Variants in KCND2 observed in about 807,000 individuals in gnomAD.
The protein encoded by KCND2 is potassium voltage-gated channel subfamily D member 2.
Under a neutral mutation model 54.4 loss-of-function variants are expected in KCND2, and 16 were observed. That is an observed-to-expected ratio of 0.29 (90% CI 0.20 to 0.45). The LOEUF (loss-of-function observed/expected upper bound fraction) is 0.45, where lower values mean the gene tolerates loss of function less well. Among genes scored for constraint, KCND2 ranks in the 20% least tolerant of loss-of-function variants. The pLI is 1.00. For synonymous variants in KCND2, 317 were observed against 310.7 expected (o/e 1.02, Z -0.21); for missense variants, 486 against 824.2 (o/e 0.59, Z 5.02).
intron 1 of KCND2, among the ~76,000 whole-genome samples, chr7:120,653,004 G>T (rs546230699): frequency 6.6e-6 from 1 of 152,146 alleles, no homozygotes; most frequent in Non-Finnish European, 1.5e-5. Flanking sequence ...TGAGATGGAT[G>T]GAAGAGCTGA....
At chr7:120,605,142 G>T (rs1270403979) in intron 1 of KCND2, among the ~76,000 whole-genome samples, 4 of 152,146 alleles carry the variant, frequency 2.6e-5, no homozygotes, top group African/African-American at 7.2e-5. Flanking sequence ...GGAAACAGTT[G>T]CACAACCATG....
At chr7:120,339,769 A>G (rs1800214626) in intron 1 of KCND2, among the ~76,000 whole-genome samples, 2 of 152,102 alleles carry the variant, frequency 1.3e-5, no homozygotes, top group South Asian at 4.1e-4. Flanking sequence ...AGCAGAGGGA[A>G]GGGAAGGGGA....
intron 1 of KCND2, among the ~76,000 whole-genome samples, chr7:120,675,774 G>C (rs1449950418): frequency 6.6e-6 from 1 of 151,172 alleles, no homozygotes; most frequent in Non-Finnish European, 1.5e-5. Context: ...ATTTATCATA[G>C]TATTATAATG....
intron 1 of KCND2, among the ~76,000 whole-genome samples, chr7:120,526,714 G>A (rs979466468): frequency 1.3e-5 from 2 of 152,130 alleles, no homozygotes; most frequent in Non-Finnish European, 2.9e-5. Flanking sequence ...ATTATTCAAT[G>A]TGGAAAAATG....
intron 1 of KCND2, among the ~76,000 whole-genome samples, chr7:120,552,911 G>A (rs1469642509): frequency 6.6e-6 from 1 of 151,992 alleles, no homozygotes; most frequent in Non-Finnish European, 1.5e-5. Context: ...CTTTATTGAG[G>A]TATAAGTGTC....
rs36108636 is a variant in KCND2 at position 120,583,784 on chromosome 7, T to TGGG, written c.1116-149111_1116-149109dup. Among the ~76,000 whole-genome samples, 964 of 142,560 alleles carry TGGG rather than the reference T, an allele frequency of 6.8e-3. 13 individuals are homozygous for TGGG. Among genetic ancestry groups the TGGG allele is most frequent in the African/African-American group, 0.025 (923 of 36,336 alleles). The allele number at this position is 142,560 out of a possible 152,430, so 93.5% of individuals were successfully genotyped here. A position where few individuals can be genotyped will look rare whatever the true frequency, so the allele number is the denominator to read the frequency against. On this transcript the variant is annotated intron_variant, in intron 1 of 5. Transcript: ENST00000331113. Reference sequence around the variant, plus strand: ...GGTTAGGAATTCAGCATAGGAATTGTGGGGGGGGGGACAAAATTCAGCACA... The same window carrying TGGG: ...GGTTAGGAATTCAGCATAGGAATTGTGGGGGGGGGGGGGACAAAATTCAGCACA...
chr7:120,585,214 T>G (rs1190428094), intron 1 of KCND2, among the ~76,000 whole-genome samples: 5 of 152,032 alleles, frequency 3.3e-5, no homozygotes, highest in African/African-American at 1.2e-4. Context: ...CTGGGAAATA[T>G]TATATCACAA....
At chr7:120,286,575 C>T (rs1438756439) in intron 1 of KCND2, among the ~76,000 whole-genome samples, 1 of 151,836 alleles carries the variant, frequency 6.6e-6, no homozygotes, top group Non-Finnish European at 1.5e-5. Flanking sequence ...TAGAGTAAGT[C>T]TCTATCACAT....
chr7:120,309,462 TATATATATATATACACAC>T (rs1319002515), intron 1 of KCND2, among the ~76,000 whole-genome samples: 2 of 117,702 alleles, frequency 1.7e-5, no homozygotes, highest in East Asian at 2.7e-4. Context: ...CATATATATA[TATATATATATATACACAC>T]ACACACACAC....
intron 1 of KCND2, among the ~76,000 whole-genome samples, chr7:120,723,916 T>C (rs1175743081): frequency 6.6e-6 from 1 of 151,980 alleles, no homozygotes; most frequent in East Asian, 1.9e-4. Flanking sequence ...GCATAAACAG[T>C]GTAGAACCAG....
rs563812469 is a variant in KCND2, at chr7:120,408,643, C to T, written c.1115+132896C>T. Among the ~76,000 whole-genome samples the T allele has an allele frequency of 2.0e-5, 3 of 151,890 alleles. No homozygotes were observed. In the South Asian group the frequency reaches 6.2e-4, roughly 31 times the overall value. On this transcript the variant is annotated intron_variant, in intron 1 of 5. Transcript: ENST00000331113. ...TTCAAAATGGGACTTCCATTGTTCC[C>T]TCAGGAGTCATTGTGATCAACACTC...
rs551409408 is a variant in KCND2 at position 120,616,745 on chromosome 7, G to C, written c.1116-116158G>C. Among the ~76,000 whole-genome samples, 12 of 152,258 alleles carry C rather than the reference G, an allele frequency of 7.9e-5. No individual in the cohort carries two copies. In the South Asian group the frequency reaches 2.3e-3, roughly 29 times the overall value. On this transcript the variant is annotated intron_variant, in intron 1 of 5. Transcript: ENST00000331113. ...CAAATGTGTGTGTGCATGCCTTTGT[G>C]AGTGTGCCTTGTGTGTGTGTTAGGT...
At chr7:120,514,245 C>T (rs1436641980) in intron 1 of KCND2, among the ~76,000 whole-genome samples, 2 of 152,046 alleles carry the variant, frequency 1.3e-5, no homozygotes, top group African/African-American at 4.8e-5. Flanking sequence ...GACCAGTGAC[C>T]TGCCCATATT....
At chr7:120,346,767 A>G (rs993343635) in intron 1 of KCND2, among the ~76,000 whole-genome samples, 2 of 150,460 alleles carry the variant, frequency 1.3e-5, no homozygotes, top group Non-Finnish European at 3.0e-5. Flanking sequence ...CAGTGTCTTG[A>G]CCTTCTTGTT....
chr7:120,455,850 C>T (rs1249170752), intron 1 of KCND2, among the ~76,000 whole-genome samples: 4 of 152,040 alleles, frequency 2.6e-5, no homozygotes, highest in Admixed American at 2.0e-4. Context: ...GGAAAAACTA[C>T]CTATTAAGTA....
intron 1 of KCND2, among the ~76,000 whole-genome samples, chr7:120,707,837 G>A (rs183581482): frequency 6.6e-6 from 1 of 152,230 alleles, no homozygotes; most frequent in Non-Finnish European, 1.5e-5. Context: ...GGTAGGCGAA[G>A]TGACAGCAAT....
At chr7:120,440,733 A>G (rs1801935189) in intron 1 of KCND2, among the ~76,000 whole-genome samples, 2 of 152,010 alleles carry the variant, frequency 1.3e-5, no homozygotes. Context: ...AGCACCATGT[A>G]TTGAAGAGTG....
intron 1 of KCND2, among the ~76,000 whole-genome samples, chr7:120,457,760 G>A (rs960955166): frequency 2.0e-5 from 3 of 152,112 alleles, no homozygotes; most frequent in Admixed American, 6.5e-5. Context: ...ACCTCTGCCT[G>A]TTATCCAGGT....
intron 4 of KCND2, among the ~76,000 whole-genome samples, chr7:120,745,573 A>G (rs1179288164): frequency 1.3e-5 from 2 of 152,130 alleles, no homozygotes; most frequent in Non-Finnish European, 2.9e-5. Context: ...ACAGATGTCA[A>G]TCTCTAGGTT....
Sources: allele counts gnomAD v4.1 joint callset (sites outside exome capture counted in the v4.1 genomes callset), GRCh38; gene constraint gnomAD v4.1.1; transcripts MANE v1.5; gene names NCBI Gene and HGNC (gene_info 2026-07-23, HGNC 2026-07-21).